The following DDX50 variants were observed in gnomAD, a reference collection of about 807,000 sequenced individuals.
DDX50 encodes ATP-dependent RNA helicase DDX50.
Under a neutral mutation model 94.8 loss-of-function variants are expected in DDX50, and 56 were observed. That is an observed-to-expected ratio of 0.59 (90% CI 0.48 to 0.74). The LOEUF is 0.74. DDX50 is among the 30% of genes least tolerant of loss of function. The pLI is 0.00. For synonymous variants in DDX50, 264 were observed against 295.4 expected (o/e 0.89, Z 1.09); for missense variants, 713 against 881.2 (o/e 0.81, Z 2.42).
In DDX50 at chr10:68,936,515, AAT is replaced by A. The variant is rs869117307; in HGVS notation, c.1596-387_1596-386del. ...AAAAAAAAAAAAAAAAAAAAAAAAA[AAT>A]ATATATATATATATATATATATATA... is the stretch of plus-strand genomic sequence containing the variant. On this transcript the variant is annotated intron_variant, in intron 11 of 14. Coordinates refer to ENST00000373585, the MANE Select transcript of DDX50 (RefSeq NM_024045.2). 5.1e-3 allele frequency among the ~76,000 whole-genome samples: 273 copies of A among 53,124 alleles called. 3 individuals are homozygous for A. The highest frequency in any genetic ancestry group is 0.012 in the African/African-American group (136 of 11,634). The allele number at this position is 53,124 out of a possible 152,430, so 34.9% of individuals were successfully genotyped here. A position where few individuals can be genotyped will look rare whatever the true frequency, so the allele number is the denominator to read the frequency against.
intron 10 of DDX50, among the ~76,000 whole-genome samples, 185 bp downstream of exon 10, chr10:68,935,103 A>G (rs1386726348): frequency 1.3e-5 from 2 of 152,244 alleles, no homozygotes; most frequent in East Asian, 3.8e-4. Flanking sequence ...TTTTATTGTG[A>G]AGACAGTGGA....
At chr10:68,902,726 TA>T (rs35020511) in intron 1 of DDX50, among the ~76,000 whole-genome samples, 10,343 of 152,254 alleles carry the variant, frequency 0.068, 1,131 homozygotes, top group African/African-American at 0.23. Flanking sequence ...GCAGGTATTT[TA>T]AAAAAGGCTT....
intron 8 of DDX50, among the ~76,000 whole-genome samples, chr10:68,921,182 C>T (rs1003555335): frequency 4.9e-5 from 7 of 142,056 alleles, no homozygotes; most frequent in Non-Finnish European, 7.7e-5. Context: ...AAAGGATTTT[C>T]AAAAAAAAAA....
chr10:68,915,412 CA>C (rs1208207193), intron 7 of DDX50, among the ~76,000 whole-genome samples: 3 of 129,518 alleles, frequency 2.3e-5, no homozygotes. Context: ...GACTCTGTCT[CA>C]AAAAAAAATA....
intron 10 of DDX50, 119 bp downstream of exon 10, chr10:68,935,037 G>T: frequency 7.7e-7 from 1 of 1,293,110 alleles, no homozygotes; most frequent in Non-Finnish European, 1.0e-6. Flanking sequence ...AGCTGCATTT[G>T]GCTGTGAAGC....
intron 13 of DDX50, among the ~76,000 whole-genome samples, chr10:68,942,161 C>G (rs896647412): frequency 6.6e-6 from 1 of 152,052 alleles, no homozygotes; most frequent in Non-Finnish European, 1.5e-5. Flanking sequence ...TGAGGACATG[C>G]AGTTTGGTTT....
intron 14 of DDX50, among the ~76,000 whole-genome samples, chr10:68,945,040 T>A (rs1164875355): frequency 6.6e-6 from 1 of 152,192 alleles, no homozygotes; most frequent in Non-Finnish European, 1.5e-5. Flanking sequence ...ACCAGTGTCC[T>A]ATTTTCTGAA....
At chr10:68,932,704 A>C (rs915708601) in intron 8 of DDX50, among the ~76,000 whole-genome samples, 10 of 152,234 alleles carry the variant, frequency 6.6e-5, no homozygotes, top group African/African-American at 2.4e-4. Context: ...AGAGATGAAG[A>C]TCTACCTAAT....
intron 1 of DDX50, among the ~76,000 whole-genome samples, chr10:68,904,096 A>G (rs191972380): frequency 4.6e-5 from 7 of 151,766 alleles, no homozygotes; most frequent in Admixed American, 3.9e-4. Flanking sequence ...GTGAGCCAAG[A>G]TCACGTCATT....
chr10:68,905,926 TAATTAAATA>T (rs1198006004), intron 1 of DDX50, among the ~76,000 whole-genome samples: 1 of 152,000 alleles, frequency 6.6e-6, no homozygotes, highest in African/African-American at 2.4e-5. Context: ...AATAAATAAA[TAATTAAATA>T]AAATGGCAAA....
chr10:68,919,487 C>T (rs1841888476), intron 7 of DDX50, among the ~76,000 whole-genome samples: 1 of 152,188 alleles, frequency 6.6e-6, no homozygotes, highest in African/African-American at 2.4e-5. Flanking sequence ...TTGGTTTTGC[C>T]TATTCTAGAA....
intron 14 of DDX50, 45 bp downstream of exon 14, chr10:68,943,302 A>G: frequency 6.7e-7 from 1 of 1,494,050 alleles, no homozygotes; most frequent in South Asian, 1.2e-5. Flanking sequence ...TACATTCTCT[A>G]ACATTTAGAT....
chr10:68,922,926 G>A (rs1157284484), intron 8 of DDX50, among the ~76,000 whole-genome samples: 2 of 148,576 alleles, frequency 1.3e-5, no homozygotes, highest in African/African-American at 5.0e-5. Flanking sequence ...TGAGTAGCTG[G>A]GACTACAGGC....
rs746692243 is a variant in DDX50 at position 68,934,405 on chromosome 10, A to G, written c.1401+45A>G. On this transcript the variant is annotated intron_variant, in intron 9 of 14. Transcript: ENST00000373585. The surrounding 1 kb of genome is among the most constrained non-coding windows in gnomAD (Gnocchi z 4.0). ...TTGGGAAAAATAAGAGCAATTTTAT[A>G]AATTCCCATTTAATTTACAACATAT... 6.2e-7 allele frequency: 1 copy of G among 1,606,530 alleles called. No homozygotes were observed. Among genetic ancestry groups the G allele is most frequent in the African/African-American group, 1.3e-5 (1 of 74,570 alleles).
intron 12 of DDX50, 110 bp downstream of exon 12, chr10:68,937,205 C>T: frequency 8.7e-7 from 1 of 1,144,458 alleles, no homozygotes; most frequent in Non-Finnish European, 1.2e-6. Flanking sequence ...CTGTTTTGCT[C>T]TATGAGAAAC....
intron 8 of DDX50, among the ~76,000 whole-genome samples, chr10:68,924,345 A>G (rs1324323023): frequency 6.6e-6 from 1 of 151,876 alleles, no homozygotes; most frequent in Non-Finnish European, 1.5e-5. Flanking sequence ...TCACAGACAC[A>G]ATAATAGCAC....
chr10:68,941,455 C>T (rs1842551781), intron 13 of DDX50, among the ~76,000 whole-genome samples: 1 of 152,024 alleles, frequency 6.6e-6, no homozygotes, highest in Non-Finnish European at 1.5e-5. Context: ...TGGTTGTGTA[C>T]ATGTGTTTAT....
chr10:68,921,114 A>C (rs920506204), intron 8 of DDX50, among the ~76,000 whole-genome samples: 1 of 151,922 alleles, frequency 6.6e-6, no homozygotes, highest in African/African-American at 2.4e-5. Context: ...AAGTATTTTG[A>C]TGCAAACCCT....
chr10:68,902,107 C>T lies in DDX50; in HGVS notation c.87+636C>T, dbSNP rs74571904. ...TTTGCTGAGTACCAAGGAGGTTAAA[C>T]TAAATAAGTAAAGAAATGGTCTCTG... On this transcript the variant is annotated intron_variant, in intron 1 of 14. Coordinates refer to ENST00000373585, the MANE Select transcript of DDX50 (RefSeq NM_024045.2). Among the ~76,000 whole-genome samples, 342 of 138,004 alleles carry T rather than the reference C, an allele frequency of 2.5e-3. 1 individual carries two copies. Among genetic ancestry groups the T allele is most frequent in the African/African-American group, 8.9e-3 (332 of 37,298 alleles). 90.5% of individuals were successfully genotyped at this position (138,004 alleles called of 152,430 possible).
Sources: gnomAD v4.1 joint callset for allele counts (sites outside exome capture counted in the v4.1 genomes callset) on GRCh38, gnomAD v4.1.1 for gene constraint, Gnocchi (gnomAD v3.1) non-coding constraint, MANE v1.5 for transcripts, NCBI Gene and HGNC (gene_info 2026-07-23, HGNC 2026-07-21) for gene names.